CYP4F22: variants seen among roughly 807,000 people sequenced by gnomAD.
The protein encoded by CYP4F22 is ultra-long-chain fatty acid omega-hydroxylase.
Under a neutral mutation model 60.4 loss-of-function variants are expected in CYP4F22, and 37 were observed. The ratio of observed to expected loss-of-function variants is 0.61; its 90% CI spans 0.47 to 0.81. The LOEUF is 0.81. CYP4F22 is among the 30% of genes least tolerant of loss of function. CYP4F22 has a pLI of 0.00. For missense variants in CYP4F22, 655 were observed against 715.0 expected, an observed-to-expected ratio of 0.92 and a Z score of 0.96; for synonymous variants, 258 against 280.5, an observed-to-expected ratio of 0.92 and a Z score of 0.80.
In CYP4F22 at chr19:15,551,461, C is replaced by A; in HGVS notation, c.1586C>A (p.Pro529Gln). ...TGGCTCAAGGTGGAGCCGCTGCCTC[C>A]GCGGGCCTGAGCGTGGGCGCGCCCC... ...GLWLKVEPLPPRA is the reference protein window; with the variant it reads ...GLWLKVEPLPQRA The change falls in exon 14 of 14, where the codon CCG (proline) becomes CAG (glutamine). Residue 529 changes from proline (P) to glutamine (Q), a missense_variant. Transcript: ENST00000269703. The A allele has an allele frequency of 6.4e-7, 1 of 1,561,734 alleles. No individual in the cohort carries two copies. Among genetic ancestry groups the A allele is most frequent in the Non-Finnish European group, 8.7e-7 (1 of 1,153,782 alleles).
chr19:15,520,333 A>G (rs1287120344), intron 1 of CYP4F22, among the ~76,000 whole-genome samples: 4 of 147,862 alleles, frequency 2.7e-5, no homozygotes, highest in Admixed American at 6.7e-5. Flanking sequence ...GCGACAGAGC[A>G]AGCCTCCATC....
intron 2 of CYP4F22, among the ~76,000 whole-genome samples, chr19:15,524,235 A>G (rs942093310): frequency 2.6e-5 from 4 of 152,190 alleles, no homozygotes. Context: ...TTTATATGAA[A>G]TATCCAGAAT....
At chr19:15,514,007 A>G (rs1971125496) in intron 1 of CYP4F22, among the ~76,000 whole-genome samples, 1 of 152,236 alleles carries the variant, frequency 6.6e-6, no homozygotes, top group Admixed American at 6.5e-5. Flanking sequence ...AGCCGTATGT[A>G]TAGACACATG....
At chr19:15,544,893 T>A (rs939594848) in intron 10 of CYP4F22, among the ~76,000 whole-genome samples, 2 of 152,096 alleles carry the variant, frequency 1.3e-5, no homozygotes, top group African/African-American at 4.8e-5. Context: ...AAACCCCATC[T>A]CTACTAAAAA....
intron 1 of CYP4F22, among the ~76,000 whole-genome samples, chr19:15,521,781 C>G (rs1971228712): frequency 6.6e-6 from 1 of 152,142 alleles, no homozygotes; most frequent in Non-Finnish European, 1.5e-5. Flanking sequence ...AGCAATCTTC[C>G]CATCTCAGCC....
intron 1 of CYP4F22, among the ~76,000 whole-genome samples, chr19:15,509,397 G>T (rs942434422): frequency 1.3e-5 from 2 of 152,112 alleles, no homozygotes; most frequent in Admixed American, 1.3e-4. Context: ...CCGCCCTGTA[G>T]GCAAAGGAGA....
chr19:15,525,465 G>T lies in CYP4F22; in HGVS notation c.129G>T (p.Leu43=). Residue 43 remains leucine (L), a synonymous_variant, in exon 3 of 14, where the codon CTG becomes CTT. Coordinates refer to ENST00000269703, the MANE Select transcript of CYP4F22 (RefSeq NM_173483.4). ...TGTTCCGCCTGCTGCTGCGGTTCCT[G>T]AGGCTCTGCAGGAGCTTCTACATCA... The part of the protein sequence containing the change: ...FFLFRLLLRF[L]RLCRSFYITC... The T allele has an allele frequency of 2.5e-6, 4 of 1,614,054 alleles. No individual in the cohort carries two copies. The highest frequency in any genetic ancestry group is 1.7e-5 in the Admixed American group (1 of 60,016).
intron 1 of CYP4F22, among the ~76,000 whole-genome samples, chr19:15,520,111 G>C (rs1971203990): frequency 2.6e-5 from 4 of 152,110 alleles, no homozygotes; most frequent in Admixed American, 2.6e-4. Context: ...TTGGGAGGCC[G>C]AGGCGAGCAG....
At chr19:15,538,952 T>C (rs1971429112) in intron 7 of CYP4F22, among the ~76,000 whole-genome samples, 1 of 152,160 alleles carries the variant, frequency 6.6e-6, no homozygotes, top group South Asian at 2.1e-4. Flanking sequence ...AATAAGTGCA[T>C]GAAAACAAGC....
At chr19:15,545,417 G>C (rs924966869) in intron 10 of CYP4F22, among the ~76,000 whole-genome samples, 1 of 151,974 alleles carries the variant, frequency 6.6e-6, no homozygotes, top group Non-Finnish European at 1.5e-5. Context: ...GGAGGCCGAG[G>C]GGGGTGGATT....
At chr19:15,516,637 A>G (rs1266779517) in intron 1 of CYP4F22, 3 of 354,392 alleles carry the variant, frequency 8.5e-6, no homozygotes, top group East Asian at 7.7e-5. Flanking sequence ...ATTTCTGAAT[A>G]AACATTTTAC....
intron 1 of CYP4F22, chr19:15,516,835 CTTTT>C (rs756727270): frequency 1.9e-3 from 387 of 207,458 alleles, no homozygotes; most frequent in Middle Eastern, 3.3e-3. Flanking sequence ...AGATGTTATT[CTTTT>C]TTTTTTTTTT....
chr19:15,515,723 CT>C (rs916696044), intron 1 of CYP4F22, among the ~76,000 whole-genome samples: 1 of 150,718 alleles, frequency 6.6e-6, no homozygotes, highest in South Asian at 2.2e-4. Context: ...GAGACTCTGT[CT>C]TTTTTTTATT....
At chr19:15,517,569 C>G (rs1291231444) in intron 1 of CYP4F22, among the ~76,000 whole-genome samples, 3 of 152,238 alleles carry the variant, frequency 2.0e-5, no homozygotes, top group African/African-American at 7.2e-5. Context: ...TATCCCAATT[C>G]TTTCCCATTT....
chr19:15,515,451 A>G, intron 1 of CYP4F22: 1 of 901,836 alleles, frequency 1.1e-6, no homozygotes, highest in East Asian at 3.2e-5. Flanking sequence ...CTGGCCAGGC[A>G]CGGTGGCTCA....
chr19:15,519,926 C>G (rs1167889345), intron 1 of CYP4F22, among the ~76,000 whole-genome samples: 2 of 152,182 alleles, frequency 1.3e-5, no homozygotes, highest in Non-Finnish European at 2.9e-5. Context: ...GAGGTACAAA[C>G]AGGGAAACTG....
At chr19:15,515,755 G>T (rs1971146670) in intron 1 of CYP4F22, among the ~76,000 whole-genome samples, 1 of 151,596 alleles carries the variant, frequency 6.6e-6, no homozygotes, top group African/African-American at 2.4e-5. Flanking sequence ...ATGGAGTCTC[G>T]CCCTGTCACC....
chr19:15,549,066 C>T, intron 11 of CYP4F22, 72 bp from the exon 12 acceptor site: 6 of 1,560,512 alleles, frequency 3.8e-6, no homozygotes, highest in South Asian at 1.1e-5. Context: ...TCTAGGGAGA[C>T]CCAAGTTGGG....
chr19:15,511,536 G>A (rs1190545167), intron 1 of CYP4F22, among the ~76,000 whole-genome samples: 3 of 152,154 alleles, frequency 2.0e-5, no homozygotes, highest in Non-Finnish European at 2.9e-5. Flanking sequence ...CTGGGGTCTG[G>A]CACTTTGGGG....
Sources: allele counts gnomAD v4.1 joint callset (sites outside exome capture counted in the v4.1 genomes callset), GRCh38; gene constraint gnomAD v4.1.1; transcripts MANE v1.5; gene names NCBI Gene and HGNC (gene_info 2026-07-23, HGNC 2026-07-21).